The following TM2D3 variants were observed in gnomAD, a reference collection of about 807,000 sequenced individuals.
The protein encoded by TM2D3 is TM2 domain-containing protein 3.
TM2D3 carries 33 observed loss-of-function variants against 27.3 expected under a neutral mutation model. That is an observed-to-expected ratio of 1.21 (90% CI 0.92 to 1.61). The LOEUF is 1.61. Among genes scored for constraint, TM2D3 ranks in the 40% most tolerant of loss-of-function variants. The pLI is 0.00. For missense variants in TM2D3, 364 were observed against 320.8 expected (o/e 1.13, Z -1.03); for synonymous variants, 138 against 122.2 (o/e 1.13, Z -0.85).
At chr15:101,646,971 A>G in intron 3 of TM2D3, 72 bp from the exon 4 acceptor site, 3 of 1,538,114 alleles carry the variant, frequency 2.0e-6, no homozygotes, top group Non-Finnish European at 1.8e-6. Flanking sequence ...AAGACTACAC[A>G]GTCACATGGC....
At chr15:101,647,111 A>C (rs1041716668) in intron 3 of TM2D3, among the ~76,000 whole-genome samples, 1 of 152,188 alleles carries the variant, frequency 6.6e-6, no homozygotes, top group Non-Finnish European at 1.5e-5. Flanking sequence ...ACACCCAAAC[A>C]TATGTACTTA....
chr15:101,648,957 C>T (rs1896894726), intron 3 of TM2D3, among the ~76,000 whole-genome samples: 1 of 152,106 alleles, frequency 6.6e-6, no homozygotes, highest in Non-Finnish European at 1.5e-5. Flanking sequence ...AAATCGCCTA[C>T]AAGAGGTTGA....
At chr15:101,649,854 T>C in intron 3 of TM2D3, 150 bp downstream of exon 3, 1 of 761,562 alleles carries the variant, frequency 1.3e-6, no homozygotes, top group South Asian at 1.9e-5. Context: ...TTGGGTTTTT[T>C]AATTTATTTC....
At chr15:101,646,583 T>C (rs1020133966) in intron 4 of TM2D3, 142 bp downstream of exon 4, 20 of 810,304 alleles carry the variant, frequency 2.5e-5, no homozygotes, top group African/African-American at 5.2e-5. Flanking sequence ...GTTGAGTTTA[T>C]TGATGATGCT....
At chr15:101,644,606 T>C (rs1413617891) in intron 5 of TM2D3, among the ~76,000 whole-genome samples, 1 of 152,226 alleles carries the variant, frequency 6.6e-6, no homozygotes, top group Non-Finnish European at 1.5e-5. Flanking sequence ...AGAACTGCTA[T>C]AATTTCTTAA....
intron 3 of TM2D3, among the ~76,000 whole-genome samples, chr15:101,648,921 G>A (rs1305988917): frequency 6.6e-6 from 1 of 152,140 alleles, no homozygotes; most frequent in African/African-American, 2.4e-5. Flanking sequence ...ACGATTGTGT[G>A]CATGTGTAAG....
intron 4 of TM2D3, chr15:101,633,874 G>A (rs1896499792): frequency 4.8e-6 from 3 of 618,650 alleles, no homozygotes; most frequent in Non-Finnish European, 7.8e-6. Context: ...ATCAAAAGGT[G>A]CCAGCGTTGA....
At chr15:101,649,050 A>T (rs1038499871) in intron 3 of TM2D3, among the ~76,000 whole-genome samples, 6 of 152,222 alleles carry the variant, frequency 3.9e-5, no homozygotes, top group African/African-American at 1.4e-4. Context: ...TTAAAAAAAA[A>T]TTGCCAATCT....
chr15:101,639,574 C>T (rs1350917918), downstream of TM2D3, among the ~76,000 whole-genome samples: 1 of 151,274 alleles, frequency 6.6e-6, no homozygotes, highest in Non-Finnish European at 1.5e-5. Flanking sequence ...TGGCATAAGG[C>T]ATTAAAAAAA....
intron 5 of TM2D3, among the ~76,000 whole-genome samples, chr15:101,643,911 G>A (rs570620193): frequency 9.2e-5 from 14 of 152,044 alleles, no homozygotes; most frequent in Non-Finnish European, 1.8e-4. Context: ...GTGCAGTGGT[G>A]CAATGCCAGC....
At chr15:101,633,498 C>T (rs947238018) in exon 5 of TM2D3, 14 of 491,388 alleles carry the variant, frequency 2.8e-5, no homozygotes, top group African/African-American at 1.4e-4. Flanking sequence ...CCTCAGATCC[C>T]GAAGGACACC....
At chr15:101,651,811 T>C in intron 1 of TM2D3, 38 bp from the exon 2 acceptor site, 1 of 1,607,802 alleles carries the variant, frequency 6.2e-7, no homozygotes, top group Non-Finnish European at 8.5e-7. Flanking sequence ...AAACACGTTA[T>C]CCCGGGACAA....
At chr15:101,639,886 G>A (rs973463389), downstream of TM2D3, among the ~76,000 whole-genome samples, 9 of 152,166 alleles carry the variant, frequency 5.9e-5, no homozygotes, top group African/African-American at 2.2e-4. Context: ...CTGTGTGCAC[G>A]GCATTGTTCT....
At chr15:101,646,970 C>G in intron 3 of TM2D3, 71 bp from the exon 4 acceptor site, 1 of 1,548,672 alleles carries the variant, frequency 6.5e-7, no homozygotes, top group Non-Finnish European at 8.9e-7. Context: ...TAAGACTACA[C>G]AGTCACATGG....
intron 4 of TM2D3, chr15:101,636,156 T>C (rs1040704637): frequency 2.6e-5 from 4 of 152,230 alleles, no homozygotes; most frequent in Non-Finnish European, 4.4e-5. Flanking sequence ...ATTTTGTTTA[T>C]GTATTATTCA....
intron 5 of TM2D3, 142 bp downstream of exon 5, chr15:101,644,945 C>G (rs1215752774): frequency 4.0e-6 from 3 of 757,412 alleles, no homozygotes; most frequent in Non-Finnish European, 6.6e-6. Context: ...ATCATCTAAA[C>G]TCTTCCAGCT....
At position 101,651,759 on chromosome 15, in the gene TM2D3, GC is replaced by G. The variant is rs768658718; in HGVS notation, c.105del (p.Leu36TrpfsTer5). 1 of 1,614,030 alleles carries G rather than the reference GC, an allele frequency of 6.2e-7. No homozygotes were observed. Among genetic ancestry groups the G allele is most frequent in the African/African-American group, 1.3e-5 (1 of 74,926 alleles). Reference sequence around the variant, plus strand: ...CCCGGATCCTTTATTGACTGAGCCAGCGCCTGCGATTGCTCTAAATTTAAGG... The same window carrying G: ...CCCGGATCCTTTATTGACTGAGCCAGGCCTGCGATTGCTCTAAATTTAAGG... ...CILSGGEQSQ[A>X]LAQSIKDPGP... On this transcript the variant is annotated frameshift_variant, in exon 2 of 6. Transcript: ENST00000333202. LOFTEE classifies it high-confidence loss of function.
downstream of TM2D3, among the ~76,000 whole-genome samples, chr15:101,639,057 G>T (rs955881513): frequency 6.6e-6 from 1 of 152,114 alleles, no homozygotes; most frequent in Non-Finnish European, 1.5e-5. Flanking sequence ...CCATCAAAGC[G>T]TATTTTGCAT....
At chr15:101,641,361 G>A (rs1342605714), downstream of TM2D3, among the ~76,000 whole-genome samples, 5 of 152,138 alleles carry the variant, frequency 3.3e-5, no homozygotes, top group African/African-American at 9.7e-5. Context: ...ACCTAGCGAC[G>A]AGAGATGGAA....
Sources: gnomAD v4.1 joint callset for allele counts (sites outside exome capture counted in the v4.1 genomes callset) on GRCh38, gnomAD v4.1.1 for gene constraint, MANE v1.5 for transcripts, NCBI Gene and HGNC (gene_info 2026-07-23, HGNC 2026-07-21) for gene names.